XIRP2: variants seen among roughly 807,000 people sequenced by gnomAD.
XIRP2 encodes the protein xin actin-binding repeat-containing protein 2.
A neutral mutation model predicts 277.0 loss-of-function variants in XIRP2; 236 were observed. That is an observed-to-expected ratio of 0.85 (90% confidence interval 0.77 to 0.95). The LOEUF (loss-of-function observed/expected upper bound fraction) is 0.95. XIRP2 is among the 40% of genes least tolerant of loss of function. The pLI is 0.00. For synonymous variants in XIRP2, 1,490 were observed against 1,416.5 expected (o/e 1.05, Z -1.17); for missense variants, 4,640 against 4,157.5 (o/e 1.12, Z -3.19).
intron 2 of XIRP2, among the ~76,000 whole-genome samples, chr2:167,104,873 C>T (rs1319435889): frequency 6.6e-6 from 1 of 152,012 alleles, no homozygotes; most frequent in African/African-American, 2.4e-5. Context: ...TAACATTCAA[C>T]TATCCTCATT....
chr2:167,104,430 C>T (rs1228209878), intron 2 of XIRP2, among the ~76,000 whole-genome samples: 2 of 152,082 alleles, frequency 1.3e-5, no homozygotes, highest in African/African-American at 4.8e-5. Flanking sequence ...TCTCAATTTA[C>T]ATCACATACA....
intron 2 of XIRP2, among the ~76,000 whole-genome samples, chr2:167,045,860 C>CA (rs1688773859): frequency 6.6e-6 from 1 of 152,008 alleles, no homozygotes; most frequent in African/African-American, 2.4e-5. Context: ...AATTATCATT[C>CA]AACCCAACAA....
intron 2 of XIRP2, among the ~76,000 whole-genome samples, chr2:166,943,258 A>G (rs1483379039): frequency 1.3e-5 from 2 of 152,198 alleles, no homozygotes; most frequent in Non-Finnish European, 2.9e-5. Context: ...TAAAGCAAAA[A>G]TAGATAATAT....
intron 2 of XIRP2, among the ~76,000 whole-genome samples, chr2:166,996,757 G>C (rs899069823): frequency 1.3e-5 from 2 of 152,012 alleles, no homozygotes; most frequent in Admixed American, 1.3e-4. Context: ...TTGCTGTGCT[G>C]GGTTGAGCAC....
chr2:166,978,117 T>G (rs1164956260), intron 2 of XIRP2, among the ~76,000 whole-genome samples: 1 of 152,188 alleles, frequency 6.6e-6, no homozygotes, highest in Non-Finnish European at 1.5e-5. Context: ...TTTCCAATAT[T>G]ATTGTTCAAA....
intron 2 of XIRP2, among the ~76,000 whole-genome samples, chr2:166,974,677 T>C (rs1686664689): frequency 6.6e-6 from 1 of 151,972 alleles, no homozygotes; most frequent in South Asian, 2.1e-4. Flanking sequence ...TAAAACATAC[T>C]ACCTAAAGTT....
intron 2 of XIRP2, among the ~76,000 whole-genome samples, chr2:166,950,591 T>A (rs778015600): frequency 6.6e-6 from 1 of 152,084 alleles, no homozygotes; most frequent in Non-Finnish European, 1.5e-5. Context: ...TTCCAACTGA[T>A]TTGAAGATGG....
At position 167,251,848 on chromosome 2, in the gene XIRP2, G is replaced by C. The variant is rs1176112064; in HGVS notation, c.10456G>C (p.Glu3486Gln). The stretch of plus-strand genomic sequence containing the variant: ...AAAAAATTTTCAAAAGACGTGGCAA[G>C]AGAGTGGAAGAGTTTTTAAAGGCCT... ...VRKNFQKTWQ[E>Q]SGRVFKGLGY... is the part of the protein sequence containing the mutation. Residue 3486 changes from glutamate to glutamine, a missense_variant, in exon 9 of 11, where the codon GAG becomes CAG. Coordinates refer to ENST00000409195, the MANE Select transcript of XIRP2 (RefSeq NM_152381.6). 3.1e-6 allele frequency: 5 copies of C among 1,612,490 alleles called. No homozygotes were observed. The South Asian group carries it at 5.5e-5, about 18-fold the overall frequency.
intron 2 of XIRP2, among the ~76,000 whole-genome samples, chr2:167,001,839 TA>T (rs1215234582): frequency 1.3e-5 from 2 of 152,146 alleles, no homozygotes; most frequent in African/African-American, 4.8e-5. Flanking sequence ...CATAAACAAT[TA>T]AGAGATAAGT....
At position 167,251,699 on chromosome 2, in the gene XIRP2, C is replaced by T. The variant is rs965014086; in HGVS notation, c.10307C>T (p.Thr3436Ile). Residue 3436 changes from threonine to isoleucine, a missense_variant, in exon 9 of 11, where the codon ACC becomes ATC. Physicochemically the swap from Thr to Ile is moderately conservative, Grantham distance 89 (BLOSUM62 -1). Coordinates refer to ENST00000409195, the MANE Select transcript of XIRP2 (RefSeq NM_152381.6). ...CAAATTGTTGAGTCGAAGATGAAAA[C>T]CTCTTCATCACATAGCTCAGAAGCT... ...ESQIVESKMKTSSSHSSEAGK... is the reference protein window; with the variant it reads ...ESQIVESKMKISSSHSSEAGK... 4.3e-6 allele frequency: 7 copies of T among 1,613,170 alleles called. No homozygotes were observed. The African/African-American group carries it at 8.0e-5, about 18-fold the overall frequency.
chr2:167,130,142 G>C (rs1030303758), intron 2 of XIRP2, among the ~76,000 whole-genome samples: 18 of 151,346 alleles, frequency 1.2e-4, no homozygotes, highest in Admixed American at 6.6e-5. Flanking sequence ...CAGAAACATG[G>C]CCCTCCCCTG....
chr2:167,233,332 A>C (rs1032860669), intron 5 of XIRP2, among the ~76,000 whole-genome samples: 18 of 151,970 alleles, frequency 1.2e-4, no homozygotes, highest in Non-Finnish European at 2.9e-5. Flanking sequence ...TTCTAAGGCA[A>C]TCAAGAGCCA....
intron 2 of XIRP2, among the ~76,000 whole-genome samples, chr2:167,025,705 G>C (rs541750152): frequency 1.6e-4 from 24 of 152,078 alleles, no homozygotes; most frequent in African/African-American, 5.3e-4. Context: ...CCTTCATTTC[G>C]TTATGTACCC....
rs1264051792 is a variant in XIRP2 at position 167,248,151 on chromosome 2, T to C, written c.6759T>C (p.Phe2253=). 1.5e-5 allele frequency: 24 copies of C among 1,613,718 alleles called. No homozygotes were observed. The highest frequency in any genetic ancestry group is 2.0e-5 in the Non-Finnish European group (24 of 1,179,822). Reference sequence around the variant, plus strand: ...ATGTTCACTTGAAAAGCCAGGACTTTCTAATGAAAACAAATACTTCCACAG... The same window carrying C: ...ATGTTCACTTGAAAAGCCAGGACTTCCTAATGAAAACAAATACTTCCACAG... ...ETDVHLKSQD[F]LMKTNTSTGL... The change falls in exon 9 of 11, where the codon TTT becomes TTC. Residue 2253 remains phenylalanine (F), a synonymous_variant. Transcript: ENST00000409195.
In XIRP2 at chr2:167,193,397, G is replaced by T. The variant is rs149404284; in HGVS notation, c.563-17338G>T. Among the ~76,000 whole-genome samples, 280 of 152,244 alleles carry T rather than the reference G, an allele frequency of 1.8e-3. 2 individuals carry two copies. The highest frequency in any genetic ancestry group is 0.016 in the Admixed American group (240 of 15,286). The stretch of plus-strand genomic sequence containing the variant: ...TACACCAATGTGTATGTATGTGAAT[G>T]TGTATGTGTATACATATATATTCTT... On this transcript the variant is annotated intron_variant, in intron 3 of 10. Transcript: ENST00000409195.
chr2:167,027,574 G>T (rs1194364400), intron 2 of XIRP2, among the ~76,000 whole-genome samples: 1 of 152,086 alleles, frequency 6.6e-6, no homozygotes, highest in African/African-American at 2.4e-5. Flanking sequence ...TGGAGGAGGA[G>T]AGGTACTCTG....
intron 2 of XIRP2, among the ~76,000 whole-genome samples, chr2:167,088,292 C>T (rs1690024800): frequency 6.6e-6 from 1 of 152,082 alleles, no homozygotes; most frequent in Non-Finnish European, 1.5e-5. Flanking sequence ...CTAGCCACCT[C>T]TTAGGCGCTC....
chr2:167,211,660 T>C (rs1694052001), intron 4 of XIRP2, among the ~76,000 whole-genome samples: 1 of 152,210 alleles, frequency 6.6e-6, no homozygotes, highest in Non-Finnish European at 1.5e-5. Context: ...TTCATTGAAA[T>C]TCACTGGCAG....
rs773839418 is a variant in XIRP2, at chr2:167,251,413, G to A, written c.10021G>A (p.Glu3341Lys). Residue 3341 changes from glutamate to lysine, a missense_variant, in exon 9 of 11, where the codon GAG (glutamate) becomes AAG (lysine). Coordinates refer to ENST00000409195, the MANE Select transcript of XIRP2 (RefSeq NM_152381.6). Reference sequence around the variant, plus strand: ...AATAAACAGATGGTTCAGGGAATTTGAGCATGGCCCAGTTTCTGAAGCAAA... The same window carrying A: ...AATAAACAGATGGTTCAGGGAATTTAAGCATGGCCCAGTTTCTGAAGCAAA... ...NEINRWFREF[E>K]HGPVSEAKSN... 18 of 1,613,498 alleles carry A rather than the reference G, an allele frequency of 1.1e-5. No homozygotes were observed. The highest frequency in any genetic ancestry group is 1.1e-5 in the South Asian group (1 of 91,076).
Sources: gnomAD v4.1 joint callset for allele counts (sites outside exome capture counted in the v4.1 genomes callset) on GRCh38, gnomAD v4.1.1 for gene constraint, MANE v1.5 for transcripts, NCBI Gene and HGNC (gene_info 2026-07-23, HGNC 2026-07-21) for gene names.